CCDC18: variants seen among roughly 807,000 people sequenced by gnomAD.
CCDC18 encodes coiled-coil domain containing 18.
In CCDC18, 157 loss-of-function variants were observed where a neutral mutation model predicts 196.0. The observed-to-expected ratio is 0.80, with a 90% confidence interval of 0.70 to 0.91. The LOEUF is 0.91. CCDC18 is among the 40% of genes least tolerant of loss of function. CCDC18 has a pLI of 0.00. For missense variants in CCDC18, 1,465 were observed against 1,611.6 expected, an observed-to-expected ratio of 0.91 and a Z score of 1.56; for synonymous variants, 482 against 529.2, an observed-to-expected ratio of 0.91 and a Z score of 1.22.
chr1:93,226,225 G>A (rs1658261694), intron 16 of CCDC18, 108 bp from the exon 17 acceptor site: 1 of 577,518 alleles, frequency 1.7e-6, no homozygotes, highest in Non-Finnish European at 3.1e-6. Context: ...AAGTAGGACT[G>A]TATATTCACT....
chr1:93,234,980 C>T (rs910961308), intron 18 of CCDC18, among the ~76,000 whole-genome samples: 25 of 71,006 alleles, frequency 3.5e-4, no homozygotes, highest in Middle Eastern at 7.7e-3. Context: ...TGTGGCTTTT[C>T]TTTTTTTTTC....
rs1299362013 is a variant in CCDC18 at position 93,207,221 on chromosome 1, G to A, written c.1032G>A (p.Glu344=). The change falls in exon 9 of 29, where the codon GAG becomes GAA. Residue 344 remains glutamate (E), a synonymous_variant. Transcript: ENST00000690025. ...TESRQSILKL[E]SELENKDEIL... Reference sequence around the variant, plus strand: ...CTAGACAAAGTATTTTGAAGCTAGAGAGTGAGTTAGAGAACAAAGACGAAA... The same window carrying A: ...CTAGACAAAGTATTTTGAAGCTAGAAAGTGAGTTAGAGAACAAAGACGAAA... 6.2e-7 allele frequency: 1 copy of A among 1,613,340 alleles called. No individual in the cohort carries two copies.
intron 23 of CCDC18, among the ~76,000 whole-genome samples, chr1:93,250,040 T>A (rs1662023135): frequency 6.6e-6 from 1 of 152,104 alleles, no homozygotes; most frequent in Admixed American, 6.5e-5. Context: ...AAGTTCCTCT[T>A]ATTATTGATT....
chr1:93,246,324 C>T, intron 22 of CCDC18, 120 bp downstream of exon 22: 1 of 573,678 alleles, frequency 1.7e-6, no homozygotes, highest in Admixed American at 3.2e-5. Flanking sequence ...TTTCTCTGCA[C>T]ATAGGGTTTA....
chr1:93,247,230 C>G (rs1002185336), intron 23 of CCDC18, among the ~76,000 whole-genome samples: 1 of 151,586 alleles, frequency 6.6e-6, no homozygotes, highest in African/African-American at 2.4e-5. Context: ...CTCTGTGGAT[C>G]TTTCACTTCT....
At chr1:93,187,351 A>G (rs1650883066) in intron 4 of CCDC18, among the ~76,000 whole-genome samples, 1 of 152,080 alleles carries the variant, frequency 6.6e-6, no homozygotes, top group African/African-American at 2.4e-5. Flanking sequence ...ATTACCTAAT[A>G]TATTTAGTGG....
rs531060507 is a variant in CCDC18 at position 93,261,087 on chromosome 1, A to G, written c.3684+2202A>G. Reference sequence around the variant, plus strand: ...AGTGCTGCAATAAACATACATGTGCATGTGTCTTTATAGTAGAATGATTTA... The same window carrying G: ...AGTGCTGCAATAAACATACATGTGCGTGTGTCTTTATAGTAGAATGATTTA... On this transcript the variant is annotated intron_variant, in intron 26 of 28. Coordinates refer to ENST00000690025, the MANE Select transcript of CCDC18 (RefSeq NM_001378204.1). Among the ~76,000 whole-genome samples the G allele has an allele frequency of 3.2e-4, 49 of 152,292 alleles. 2 individuals are homozygous for G. The highest frequency in any genetic ancestry group is 1.1e-3 in the African/African-American group (47 of 41,546).
upstream of CCDC18, chr1:93,180,214 G>A (rs781430997): frequency 6.8e-6 from 11 of 1,612,682 alleles, no homozygotes; most frequent in East Asian, 8.9e-5. Flanking sequence ...AAGGAGCACG[G>A]GGAAGGGCAG....
intron 21 of CCDC18, among the ~76,000 whole-genome samples, chr1:93,245,273 TTTTC>T (rs2100927152): frequency 6.6e-6 from 1 of 152,304 alleles, no homozygotes; most frequent in Admixed American, 6.5e-5. Context: ...GAAGTTAGAG[TTTTC>T]TTTAATTTCA....
chr1:93,248,032 T>C (rs1407593155), intron 23 of CCDC18, among the ~76,000 whole-genome samples: 86 of 146,188 alleles, frequency 5.9e-4, no homozygotes, highest in Non-Finnish European at 1.1e-3. Context: ...TTTTTTTTTT[T>C]TGAGATGGAG....
chr1:93,181,169 A>AAAAAAAG (rs1339315913), intron 1 of CCDC18, among the ~76,000 whole-genome samples: 1 of 149,974 alleles, frequency 6.7e-6, no homozygotes, highest in Non-Finnish European at 1.5e-5. Context: ...TAAAAAAAAA[A>AAAAAAAG]AAAAAAAGAG....
chr1:93,183,516 A>G lies in CCDC18; in HGVS notation c.134+21A>G, dbSNP rs144652006. On this transcript the variant is annotated intron_variant, in intron 2 of 28. Transcript: ENST00000690025. ...TCCAGGTAAGTAAGTAAAATCACAT[A>G]TAGAATTCACTGTGCCTTAAATACA... 503 of 1,562,462 alleles carry G rather than the reference A, an allele frequency of 3.2e-4. 8 individuals carry two copies. The East Asian group carries it at 0.011, about 35-fold the overall frequency.
intron 23 of CCDC18, among the ~76,000 whole-genome samples, chr1:93,250,438 G>A (rs191468386): frequency 6.6e-6 from 1 of 151,880 alleles, no homozygotes; most frequent in African/African-American, 2.4e-5. Context: ...AGTAACAGTG[G>A]GTGAAATGTT....
chr1:93,200,567 A>G (rs1172816283), intron 6 of CCDC18, among the ~76,000 whole-genome samples: 1 of 152,212 alleles, frequency 6.6e-6, no homozygotes, highest in Non-Finnish European at 1.5e-5. Flanking sequence ...TGTACAAAAT[A>G]AAAAACACCA....
intron 23 of CCDC18, among the ~76,000 whole-genome samples, chr1:93,251,024 C>A (rs1223328258): frequency 6.6e-6 from 1 of 152,098 alleles, no homozygotes; most frequent in Admixed American, 6.6e-5. Flanking sequence ...TGTAACTCCT[C>A]CCTTTCTTTC....
At chr1:93,244,389 G>A (rs1043144751) in intron 21 of CCDC18, among the ~76,000 whole-genome samples, 4 of 152,168 alleles carry the variant, frequency 2.6e-5, no homozygotes, top group Admixed American at 2.6e-4. Flanking sequence ...ATATTATTCA[G>A]TCATAAAAAC....
chr1:93,227,729 G>A (rs1048368108), intron 17 of CCDC18, among the ~76,000 whole-genome samples: 2 of 151,790 alleles, frequency 1.3e-5, no homozygotes, highest in East Asian at 3.9e-4. Context: ...CAAAGTGGGT[G>A]GATCACTTGA....
Position 93,198,456 on chromosome 1 carries a change from G to T in CCDC18, c.699-3436G>T, listed in dbSNP as rs143167948. ...AAGTCCAAATGGTGCTTACCTTTTT[G>T]GGGTAAAGAATATTCACTGGGAAGG... On this transcript the variant is annotated intron_variant, in intron 6 of 28. Transcript: ENST00000690025. Among the ~76,000 whole-genome samples the T allele has an allele frequency of 3.1e-3, 472 of 152,210 alleles. 7 individuals carry two copies. Among genetic ancestry groups the T allele is most frequent in the African/African-American group, 0.011 (462 of 41,520 alleles).
At chr1:93,250,257 T>C (rs1413092117) in intron 23 of CCDC18, among the ~76,000 whole-genome samples, 2 of 151,710 alleles carry the variant, frequency 1.3e-5, no homozygotes, top group African/African-American at 4.8e-5. Flanking sequence ...GATGAGCACT[T>C]GTACTCCCAG....
Sources: gnomAD v4.1 joint callset for allele counts (sites outside exome capture counted in the v4.1 genomes callset) on GRCh38, gnomAD v4.1.1 for gene constraint, MANE v1.5 for transcripts, NCBI Gene and HGNC (gene_info 2026-07-23, HGNC 2026-07-21) for gene names.